Variants in UBE2J2 observed in about 807,000 individuals in gnomAD.
UBE2J2 encodes ubiquitin conjugating enzyme E2 J2.
A neutral mutation model predicts 28.6 loss-of-function variants in UBE2J2; 5 were observed. That is an observed-to-expected ratio of 0.17 (90% CI 0.09 to 0.37). The LOEUF is 0.37. UBE2J2 is among the 10% of genes least tolerant of loss of function. The probability of loss-of-function intolerance (pLI) is 1.00; values close to 1 mark genes in which losing one functional copy is unlikely to be tolerated. For synonymous variants in UBE2J2, 138 were observed against 139.7 expected (o/e 0.99, Z 0.09); for missense variants, 226 against 338.9 (o/e 0.67, Z 2.62).
At chr1:1,267,674 C>T in intron 2 of UBE2J2, 188 bp downstream of exon 2, 1 of 1,376,200 alleles carries the variant, frequency 7.3e-7, no homozygotes, top group East Asian at 2.7e-5. Flanking sequence ...ATGTCCCCGG[C>T]ATGCGTCCAT....
chr1:1,259,835 C>T (rs1225763798), intron 3 of UBE2J2, among the ~76,000 whole-genome samples: 2 of 152,334 alleles, frequency 1.3e-5, no homozygotes, highest in Admixed American at 6.5e-5. Context: ...CCAGTTAAAA[C>T]TCCCCAAGGG....
At chr1:1,265,055 C>T (rs1222506139) in intron 2 of UBE2J2, among the ~76,000 whole-genome samples, 1 of 152,132 alleles carries the variant, frequency 6.6e-6, no homozygotes, top group Non-Finnish European at 1.5e-5. Context: ...CGCGATGCAC[C>T]CAGGAATGTG....
chr1:1,269,449 A>C (rs562419366), intron 1 of UBE2J2, among the ~76,000 whole-genome samples: 47 of 149,966 alleles, frequency 3.1e-4, no homozygotes, highest in Non-Finnish European at 6.1e-4. Flanking sequence ...ACTAGCTCCA[A>C]CTCAAACCTT....
intron 3 of UBE2J2, among the ~76,000 whole-genome samples, chr1:1,257,964 G>A (rs574189355): frequency 5.0e-4 from 76 of 151,986 alleles, no homozygotes; most frequent in South Asian, 1.3e-3. Context: ...ACCTGACCAG[G>A]CTTTCTCCCT....
At chr1:1,261,403 G>T (rs1639552956) in intron 3 of UBE2J2, among the ~76,000 whole-genome samples, 1 of 152,212 alleles carries the variant, frequency 6.6e-6, no homozygotes, top group South Asian at 2.1e-4. Context: ...ACAAGTGACA[G>T]GGTTGGGGCT....
At chr1:1,258,732 C>T (rs868808500) in intron 3 of UBE2J2, among the ~76,000 whole-genome samples, 1 of 152,364 alleles carries the variant, frequency 6.6e-6, no homozygotes, top group South Asian at 2.1e-4. Context: ...GGTATCACAC[C>T]CACTCCATGA....
chr1:1,267,307 T>C (rs1639926405), intron 2 of UBE2J2, among the ~76,000 whole-genome samples: 1 of 152,154 alleles, frequency 6.6e-6, no homozygotes, highest in Non-Finnish European at 1.5e-5. Flanking sequence ...ATGAGGTGAA[T>C]GCTTATGAGG....
intron 2 of UBE2J2, chr1:1,266,116 G>T (rs1293393711): frequency 7.7e-7 from 1 of 1,304,000 alleles, no homozygotes; most frequent in Admixed American, 2.3e-5. Context: ...GATGTCCTGG[G>T]GCCACATGTG....
At chr1:1,258,999 A>G (rs1639380087) in intron 3 of UBE2J2, among the ~76,000 whole-genome samples, 2 of 152,234 alleles carry the variant, frequency 1.3e-5, no homozygotes, top group Non-Finnish European at 1.5e-5. Context: ...GTGTGTGTGC[A>G]TGCCATCAGG....
In UBE2J2 at chr1:1,257,262, T is replaced by C. The variant is rs367898623; in HGVS notation, c.221A>G (p.Lys74Arg). The change falls in exon 4 of 7, where the codon AAA (lysine) becomes AGA (arginine). Residue 74 changes from lysine to arginine, a missense_variant. Transcript: ENST00000349431. ...AGTGATCATATAGATACTGGGAGGT[T>C]TGAAAGGAAATTCTCTGGGAAAAAT... Reference protein sequence around the residue: ...KLIFPREFPFKPPSIYMITPN... With the variant: ...KLIFPREFPFRPPSIYMITPN... 1 of 1,613,022 alleles carries C rather than the reference T, an allele frequency of 6.2e-7. No homozygotes were observed. Among genetic ancestry groups the C allele is most frequent in the African/African-American group, 1.3e-5 (1 of 74,794 alleles).
chr1:1,256,008 C>T (rs372925957), intron 6 of UBE2J2, 37 bp downstream of exon 6: 23 of 1,412,886 alleles, frequency 1.6e-5, no homozygotes, highest in Middle Eastern at 1.8e-4. Context: ...AGTGTTTTAA[C>T]GCAGGGGAAG....
At chr1:1,264,500 G>A (rs1352232533) in intron 2 of UBE2J2, among the ~76,000 whole-genome samples, 7 of 152,102 alleles carry the variant, frequency 4.6e-5, no homozygotes, top group East Asian at 1.9e-4. Context: ...GGCTGGGCTC[G>A]GTGGCTCATG....
At chr1:1,256,734 A>C (rs890375853) in intron 5 of UBE2J2, among the ~76,000 whole-genome samples, 2 of 151,808 alleles carry the variant, frequency 1.3e-5, no homozygotes, top group African/African-American at 4.8e-5. Context: ...ACAAAAAAAA[A>C]AATTAGCCGG....
chr1:1,268,605 G>A lies in UBE2J2; in HGVS notation c.1-613C>T, dbSNP rs564829596. ...GGTAGAAGGGGCCACAGGTGAACAG[G>A]CCACACCTGAGAAAGTGCAGTGTGC... On this transcript the variant is annotated intron_variant, in intron 1 of 6. Coordinates refer to ENST00000349431, the MANE Select transcript of UBE2J2 (RefSeq NM_058167.3). This position sits in a 1 kb window ranked among gnomAD's most constrained non-coding sequence, Gnocchi z 4.7. 1.2e-3 allele frequency among the ~76,000 whole-genome samples: 176 copies of A among 152,338 alleles called. No individual in the cohort carries two copies. Among genetic ancestry groups the A allele is most frequent in the African/African-American group, 4.2e-3 (174 of 41,578 alleles).
At chr1:1,261,056 C>T (rs1310558024) in intron 3 of UBE2J2, among the ~76,000 whole-genome samples, 3 of 152,136 alleles carry the variant, frequency 2.0e-5, no homozygotes, top group African/African-American at 4.8e-5. Context: ...TCAGAAATCC[C>T]GAAGTCAGGA....
intron 3 of UBE2J2, 49 bp from the exon 4 acceptor site, chr1:1,257,359 G>A (rs912543378): frequency 5.7e-6 from 7 of 1,231,232 alleles, no homozygotes; most frequent in Middle Eastern, 2.4e-4. Flanking sequence ...CACAGCAGGG[G>A]CTCCTGGAGA....
intron 3 of UBE2J2, among the ~76,000 whole-genome samples, chr1:1,257,732 G>A (rs115649588): frequency 0.025 from 3,779 of 151,804 alleles, 164 homozygotes; most frequent in African/African-American, 0.086. Context: ...AGCTGAGGCC[G>A]CCCCTCTCAG....
intron 2 of UBE2J2, chr1:1,263,619 T>C (rs917193994): frequency 7.5e-5 from 33 of 438,442 alleles, no homozygotes; most frequent in Non-Finnish European, 8.0e-5. Flanking sequence ...TTTATAAGTT[T>C]ACCATAAAGT....
intron 2 of UBE2J2, among the ~76,000 whole-genome samples, chr1:1,266,867 T>A (rs1028766428): frequency 1.3e-5 from 2 of 152,092 alleles, no homozygotes; most frequent in Non-Finnish European, 2.9e-5. Context: ...GATCAAAATA[T>A]AAAACATCCT....
Sources: gnomAD v4.1 joint callset for allele counts (sites outside exome capture counted in the v4.1 genomes callset) on GRCh38, gnomAD v4.1.1 for gene constraint, Gnocchi (gnomAD v3.1) non-coding constraint, MANE v1.5 for transcripts, NCBI Gene and HGNC (gene_info 2026-07-23, HGNC 2026-07-21) for gene names.